SLCO1A2: variants seen among roughly 807,000 people sequenced by gnomAD.
SLCO1A2 encodes the protein OATP-1.
SLCO1A2 carries 67 observed loss-of-function variants against 69.0 expected under a neutral mutation model. The ratio of observed to expected loss-of-function variants is 0.97; its 90% confidence interval spans 0.80 to 1.19. The LOEUF (loss-of-function observed/expected upper bound fraction) is 1.19. SLCO1A2 is among the 50% of genes most tolerant of loss of function. The probability of loss-of-function intolerance (pLI) is 0.00; values close to 1 mark genes in which losing one functional copy is unlikely to be tolerated. For missense variants in SLCO1A2, 787 were observed against 793.7 expected (o/e 0.99, Z 0.10); for synonymous variants, 260 against 265.9 (o/e 0.98, Z 0.22).
intron 2 of SLCO1A2, 38 bp downstream of exon 2, chr12:21,334,548 AGT>A (rs746578830): frequency 4.9e-6 from 7 of 1,439,620 alleles, no homozygotes; most frequent in East Asian, 4.6e-5. Context: ...TTTAAAAACT[AGT>A]GTACATGCAC....
intron 2 of SLCO1A2, among the ~76,000 whole-genome samples, chr12:21,332,419 A>G (rs1476252362): frequency 1.3e-5 from 2 of 152,146 alleles, no homozygotes; most frequent in East Asian, 1.9e-4. Flanking sequence ...CGCAGGCTTC[A>G]TAGAGAATGG....
upstream of SLCO1A2, among the ~76,000 whole-genome samples, chr12:21,337,129 C>T (rs1377736275): frequency 6.6e-6 from 1 of 151,966 alleles, no homozygotes; most frequent in African/African-American, 2.4e-5. Flanking sequence ...GTGCACAGTA[C>T]AGAATTGTTA....
At chr12:21,324,549 AAACTTATGCAAAT>A (rs1952056284) in intron 2 of SLCO1A2, 1 of 152,226 alleles carries the variant, frequency 6.6e-6, no homozygotes, top group Non-Finnish European at 1.5e-5. Flanking sequence ...GACTCTTACT[AAACTTATGCAAAT>A]AACTATATTG....
At position 21,314,460 on chromosome 12, in the gene SLCO1A2, G is replaced by A. The variant is rs111408668; in HGVS notation, c.335+89C>T. On this transcript the variant is annotated intron_variant, in intron 4 of 14. Coordinates refer to ENST00000683939, the MANE Select transcript of SLCO1A2 (RefSeq NM_001386879.1). ...TCCCATTACAGTGCCCTATGCTGTT[G>A]GAAAGCATTGCTCCTAGAGAGGAAA... 1,571 of 1,402,790 alleles carry A rather than the reference G, an allele frequency of 1.1e-3. 8 individuals are homozygous for A. The African/African-American group carries it at 0.02, about 18-fold the overall frequency. 86.9% of individuals were successfully genotyped at this position (1,402,790 alleles called of 1,614,324 possible).
intron 11 of SLCO1A2, among the ~76,000 whole-genome samples, chr12:21,293,169 G>A (rs1034171558): frequency 3.3e-5 from 5 of 152,066 alleles, no homozygotes; most frequent in African/African-American, 1.2e-4. Context: ...CGGGCATGGT[G>A]GCATGTGCCT....
chr12:21,398,795 G>T (rs1027698015), upstream of SLCO1A2, among the ~76,000 whole-genome samples: 1 of 149,316 alleles, frequency 6.7e-6, no homozygotes, highest in East Asian at 2.2e-4. Context: ...CTCAATAGAT[G>T]CAGAAAAGGC....
intron 4 of SLCO1A2, among the ~76,000 whole-genome samples, chr12:21,309,632 A>G (rs1157325823): frequency 2.6e-5 from 4 of 152,200 alleles, no homozygotes; most frequent in East Asian, 1.9e-4. Flanking sequence ...TCAGATATAC[A>G]AAGTCTTACA....
At chr12:21,313,982 TAAAAAAAAAAAACAG>T (rs1950542177) in intron 4 of SLCO1A2, among the ~76,000 whole-genome samples, 1 of 136,420 alleles carries the variant, frequency 7.3e-6, no homozygotes, top group Non-Finnish European at 1.6e-5. Context: ...TAATAAATAA[TAAAAAAAAAAAACAG>T]AAAAAAAAGA....
At position 21,267,558 on chromosome 12, in the gene SLCO1A2, A is replaced by AAAT. The variant is rs1169250886; in HGVS notation, c.*1987_*1989dup. 6.6e-6 allele frequency: 1 copy of AAAT among 152,132 alleles called. No homozygotes were observed. The highest frequency in any genetic ancestry group is 2.4e-5 in the African/African-American group (1 of 41,430). 9.4% of individuals were successfully genotyped at this position (152,132 alleles called of 1,614,324 possible). A position where few individuals can be genotyped will look rare whatever the true frequency, so the allele number is the denominator to read the frequency against. Reference sequence around the variant, plus strand: ...CTGCCCCCATTTATGTCAGTCACCTAAATAGCCACAGAATTCCAAACTATC... The same window carrying AAAT: ...CTGCCCCCATTTATGTCAGTCACCTAAATAATAGCCACAGAATTCCAAACTATC... On this transcript the variant is annotated 3_prime_UTR_variant, in exon 15 of 15. Coordinates refer to ENST00000683939, the MANE Select transcript of SLCO1A2 (RefSeq NM_001386879.1).
chr12:21,354,022 A>T (rs942455553), intron 2 of SLCO1A2, among the ~76,000 whole-genome samples: 2 of 152,130 alleles, frequency 1.3e-5, no homozygotes, highest in African/African-American at 2.4e-5. Flanking sequence ...CTCTCTAAAC[A>T]CTCAAATGCT....
chr12:21,385,181 G>A (rs1180072978), intron 1 of SLCO1A2, among the ~76,000 whole-genome samples: 1 of 152,006 alleles, frequency 6.6e-6, no homozygotes, highest in Non-Finnish European at 1.5e-5. Context: ...ATAAGTTTAC[G>A]TGAAAGCTAG....
chr12:21,396,745 A>T (rs1396188632), upstream of SLCO1A2, among the ~76,000 whole-genome samples: 1 of 152,206 alleles, frequency 6.6e-6, no homozygotes, highest in Non-Finnish European at 1.5e-5. Flanking sequence ...AGAATTTTCA[A>T]CCCAGAATTT....
At chr12:21,300,004 GTGTGTACATATATATGTGTATATA>G (rs1272118985) in intron 8 of SLCO1A2, among the ~76,000 whole-genome samples, 69 of 149,578 alleles carry the variant, frequency 4.6e-4, no homozygotes, top group Middle Eastern at 3.4e-3. Flanking sequence ...AGATATATGT[GTGTGTACATATATATGTGTATATA>G]TGTGTGTATA....
intron 1 of SLCO1A2, among the ~76,000 whole-genome samples, chr12:21,389,800 A>T (rs1941063002): frequency 6.6e-6 from 1 of 151,752 alleles, no homozygotes. Flanking sequence ...AGACTCATGC[A>T]CCCACAGAGA....
chr12:21,269,866 G>A, intron 14 of SLCO1A2, 99 bp from the exon 15 acceptor site: 1 of 875,674 alleles, frequency 1.1e-6, no homozygotes, highest in East Asian at 3.0e-5. Flanking sequence ...AAAAACAGCA[G>A]CTGATGGTTT....
chr12:21,366,060 A>G (rs1939350506), intron 2 of SLCO1A2, among the ~76,000 whole-genome samples: 1 of 152,220 alleles, frequency 6.6e-6, no homozygotes, highest in African/African-American at 2.4e-5. Context: ...CATATACCCA[A>G]AGGAGTATAA....
At chr12:21,308,463 G>C (rs1949704457) in intron 4 of SLCO1A2, among the ~76,000 whole-genome samples, 1 of 152,134 alleles carries the variant, frequency 6.6e-6, no homozygotes. Context: ...AAAACAATAA[G>C]AGTGCAAACA....
rs116405225 is a variant in SLCO1A2 at position 21,327,283 on chromosome 12, G to A, written c.60+7305C>T. The stretch of plus-strand genomic sequence containing the variant: ...TGTCCAGGCAGAGGTATGCTGCAGA[G>A]GCAGGACCCTCATGGAGAACCTCTG... On this transcript the variant is annotated intron_variant, in intron 2 of 14. Transcript: ENST00000683939. Among the ~76,000 whole-genome samples the A allele has an allele frequency of 9.6e-3, 1,465 of 152,284 alleles. 18 individuals are homozygous for A. Among genetic ancestry groups the A allele is most frequent in the African/African-American group, 0.034 (1,400 of 41,564 alleles).
intron 6 of SLCO1A2, among the ~76,000 whole-genome samples, chr12:21,302,987 T>G (rs559650654): frequency 2.6e-5 from 4 of 152,142 alleles, no homozygotes; most frequent in Non-Finnish European, 4.4e-5. Flanking sequence ...CCACCACACC[T>G]GGTCAATTTT....
Sources: allele counts gnomAD v4.1 joint callset (sites outside exome capture counted in the v4.1 genomes callset), GRCh38; gene constraint gnomAD v4.1.1; transcripts MANE v1.5; gene names NCBI Gene and HGNC (gene_info 2026-07-23, HGNC 2026-07-21).